ADCK1: variants seen among roughly 807,000 people sequenced by gnomAD.
The protein encoded by ADCK1 is aarF domain-containing protein kinase 1.
ADCK1 carries 41 observed loss-of-function variants against 52.3 expected under a neutral mutation model. The ratio of observed to expected loss-of-function variants is 0.78; its 90% CI spans 0.61 to 1.02. The LOEUF is 1.02. Ranked by LOEUF, ADCK1 falls within the 50% of genes least tolerant of loss-of-function variation. The probability of loss-of-function intolerance (pLI) is 0.00; values close to 1 mark genes in which losing one functional copy is unlikely to be tolerated. For synonymous variants in ADCK1, 250 were observed against 274.6 expected (o/e 0.91, Z 0.89); for missense variants, 658 against 679.5 (o/e 0.97, Z 0.35).
At chr14:77,926,234 A>G (rs2084190924) in intron 9 of ADCK1, among the ~76,000 whole-genome samples, 1 of 152,206 alleles carries the variant, frequency 6.6e-6, no homozygotes, top group Non-Finnish European at 1.5e-5. Context: ...ATAATAACTC[A>G]GACTTCTGTA....
intron 3 of ADCK1, among the ~76,000 whole-genome samples, chr14:77,839,086 G>A (rs145779088): frequency 4.7e-4 from 71 of 152,304 alleles, no homozygotes; most frequent in Non-Finnish European, 6.6e-4. Flanking sequence ...AAGTAAACAA[G>A]GTCATTTCAG....
At chr14:77,898,077 G>T (rs2140236034) in intron 5 of ADCK1, among the ~76,000 whole-genome samples, 1 of 152,282 alleles carries the variant, frequency 6.6e-6, no homozygotes, top group Non-Finnish European at 1.5e-5. Flanking sequence ...GGGCAACACA[G>T]TGAGACTCTG....
Position 77,899,147 on chromosome 14 carries a change from G to C in ADCK1, c.630G>C (p.Met210Ile). The C allele has an allele frequency of 6.2e-7, 1 of 1,614,188 alleles. No homozygotes were observed. The highest frequency in any genetic ancestry group is 8.5e-7 in the Non-Finnish European group (1 of 1,180,024). The change falls in exon 6 of 11, where the codon ATG becomes ATC. Residue 210 changes from methionine to isoleucine, a missense_variant. Physicochemically the swap from Met to Ile is conservative, Grantham distance 10. Coordinates refer to ENST00000238561, the MANE Select transcript of ADCK1 (RefSeq NM_020421.4). ...AGCTGTTCCCAGAGTTTGAGTTTAT[G>C]TGGCTTGTGGATGAAGCCAAGAAGA... ...VKQLFPEFEFMWLVDEAKKNL... is the reference protein window; with the variant it reads ...VKQLFPEFEFIWLVDEAKKNL...
intron 6 of ADCK1, among the ~76,000 whole-genome samples, chr14:77,901,185 T>C (rs1406870415): frequency 2.0e-5 from 3 of 151,464 alleles, no homozygotes; most frequent in East Asian, 3.9e-4. Flanking sequence ...GCTGGGATCA[T>C]AGGCATGTGC....
At chr14:77,813,120 A>C (rs1468409992) in intron 1 of ADCK1, among the ~76,000 whole-genome samples, 1 of 151,368 alleles carries the variant, frequency 6.6e-6, no homozygotes, top group Non-Finnish European at 1.5e-5. Context: ...TTCCTGCCTC[A>C]GCCTCCTTAG....
intron 3 of ADCK1, among the ~76,000 whole-genome samples, chr14:77,848,195 G>T (rs541987399): frequency 6.6e-6 from 1 of 152,180 alleles, no homozygotes; most frequent in Non-Finnish European, 1.5e-5. Flanking sequence ...ATGAGCCCCG[G>T]CCTGGATGTT....
At chr14:77,872,081 G>A (rs1057199172) in intron 4 of ADCK1, among the ~76,000 whole-genome samples, 5 of 152,180 alleles carry the variant, frequency 3.3e-5, no homozygotes, top group African/African-American at 9.7e-5. Context: ...AGGAAACCTC[G>A]CAGGTCAAGG....
intron 1 of ADCK1, among the ~76,000 whole-genome samples, chr14:77,804,882 A>G (rs1468351855): frequency 6.6e-6 from 1 of 152,142 alleles, no homozygotes; most frequent in Non-Finnish European, 1.5e-5. Flanking sequence ...CACAATGCAG[A>G]GTTGAGTAGA....
intron 7 of ADCK1, among the ~76,000 whole-genome samples, chr14:77,917,312 G>C (rs1288688496): frequency 6.6e-6 from 1 of 152,130 alleles, no homozygotes; most frequent in Non-Finnish European, 1.5e-5. Flanking sequence ...GAAAGGCAGA[G>C]AGAGTTTGAA....
intron 1 of ADCK1, among the ~76,000 whole-genome samples, chr14:77,806,463 G>A (rs989054384): frequency 6.6e-6 from 1 of 152,076 alleles, no homozygotes; most frequent in African/African-American, 2.4e-5. Context: ...AATTATCAGT[G>A]GTATTGTTGT....
intron 6 of ADCK1, among the ~76,000 whole-genome samples, chr14:77,900,947 A>G (rs2140242437): frequency 6.6e-6 from 1 of 152,278 alleles, no homozygotes; most frequent in South Asian, 2.1e-4. Context: ...CATGAGAAGT[A>G]CGGCTTCTAC....
intron 3 of ADCK1, among the ~76,000 whole-genome samples, chr14:77,855,153 A>G (rs572796381): frequency 1.3e-5 from 2 of 152,212 alleles, no homozygotes; most frequent in South Asian, 2.1e-4. Context: ...ATGGCATGCC[A>G]TCATGCCGTC....
chr14:77,903,324 G>A (rs2140247337), intron 6 of ADCK1, among the ~76,000 whole-genome samples: 1 of 152,326 alleles, frequency 6.6e-6, no homozygotes, highest in Middle Eastern at 3.4e-3. Flanking sequence ...GACTGCTTTT[G>A]CACACTGGCT....
At chr14:77,805,195 A>C (rs529682004) in intron 1 of ADCK1, among the ~76,000 whole-genome samples, 32 of 121,700 alleles carry the variant, frequency 2.6e-4, no homozygotes, top group African/African-American at 9.9e-4. Context: ...AACAAGAGTG[A>C]GACTCTGTCT....
At chr14:77,809,415 C>T (rs118151116) in intron 1 of ADCK1, among the ~76,000 whole-genome samples, 4,371 of 152,032 alleles carry the variant, frequency 0.029, 104 homozygotes, top group African/African-American at 0.058. Context: ...CTACAATTAC[C>T]GCCTCCCGGG....
At chr14:77,841,982 T>G (rs1417113062) in intron 3 of ADCK1, among the ~76,000 whole-genome samples, 1 of 152,024 alleles carries the variant, frequency 6.6e-6, no homozygotes, top group Non-Finnish European at 1.5e-5. Context: ...TCCCAGCTAC[T>G]TGGGAGGCTG....
At chr14:77,859,317 A>C (rs767097940) in intron 4 of ADCK1, 38 bp downstream of exon 4, 2 of 1,589,440 alleles carry the variant, frequency 1.3e-6, no homozygotes, top group South Asian at 2.3e-5. Flanking sequence ...CTTGGTTGGG[A>C]TGCTTCAGAA....
intron 1 of ADCK1, among the ~76,000 whole-genome samples, chr14:77,809,992 C>A (rs2081305362): frequency 7.6e-6 from 1 of 131,592 alleles, no homozygotes; most frequent in Admixed American, 8.4e-5. Context: ...GAGCCGAGAT[C>A]ATACCAATGG....
chr14:77,861,598 G>GTCA (rs3837643), intron 4 of ADCK1, among the ~76,000 whole-genome samples: 14,559 of 152,118 alleles, frequency 0.096, 988 homozygotes, highest in African/African-American at 0.19. Context: ...AAAAGAGGCT[G>GTCA]TCAGTTATGC....
Sources: allele counts gnomAD v4.1 joint callset (sites outside exome capture counted in the v4.1 genomes callset), GRCh38; gene constraint gnomAD v4.1.1; transcripts MANE v1.5; gene names NCBI Gene and HGNC (gene_info 2026-07-23, HGNC 2026-07-21).